Variants in CLHC1 observed in about 807,000 individuals in gnomAD.
CLHC1 encodes clathrin heavy chain linker domain-containing protein 1.
Under a neutral mutation model 69.5 loss-of-function variants are expected in CLHC1, and 72 were observed. That is an observed-to-expected ratio of 1.04 (90% CI 0.86 to 1.26). The LOEUF is 1.26. CLHC1 is among the 50% of genes most tolerant of loss of function. The pLI, the probability that CLHC1 is intolerant of heterozygous loss-of-function variation, is 0.00. For missense variants in CLHC1, 790 were observed against 679.3 expected (o/e 1.16, Z -1.81); for synonymous variants, 223 against 224.3 (o/e 0.99, Z 0.05).
intron 4 of CLHC1, 65 bp downstream of exon 4, chr2:55,217,746 C>T (rs1673717641): frequency 3.0e-6 from 3 of 1,005,272 alleles, no homozygotes; most frequent in Non-Finnish European, 4.2e-6. Context: ...GCTAGAGTTA[C>T]ACTGGCTAGT....
intron 2 of CLHC1, among the ~76,000 whole-genome samples, chr2:55,226,696 A>G (rs111510389): frequency 0.089 from 13,615 of 152,292 alleles, 884 homozygotes; most frequent in Non-Finnish European, 0.13. Context: ...CAGTGGCACG[A>G]TCTCAGCTCA....
chr2:55,197,442 G>T (rs182037506), intron 9 of CLHC1, among the ~76,000 whole-genome samples: 1 of 152,316 alleles, frequency 6.6e-6, no homozygotes, highest in African/African-American at 2.4e-5. Context: ...TCCCAGAGCT[G>T]GTGACCACAG....
At chr2:55,176,193 A>G (rs1363452874) in intron 12 of CLHC1, among the ~76,000 whole-genome samples, 1 of 152,126 alleles carries the variant, frequency 6.6e-6, no homozygotes, top group Non-Finnish European at 1.5e-5. Context: ...CTCCCTTATC[A>G]TTAACCTCTT....
rs1670985329 is a variant in CLHC1, at chr2:55,192,078, A to G, written c.1007-10334T>C. Reference sequence around the variant, plus strand: ...AACATTAAATGTAAATAATCTAAGCACCCCAACTAAAAGGCAAAGACTGTC... The same window carrying G: ...AACATTAAATGTAAATAATCTAAGCGCCCCAACTAAAAGGCAAAGACTGTC... On this transcript the variant is annotated intron_variant, in intron 9 of 12. Coordinates refer to ENST00000401408, the MANE Select transcript of CLHC1 (RefSeq NM_152385.4). Among the ~76,000 whole-genome samples, 2 of 151,958 alleles carry G rather than the reference A, an allele frequency of 1.3e-5. 1 individual carries two copies. The highest frequency in any genetic ancestry group is 4.8e-5 in the African/African-American group (2 of 41,354).
At chr2:55,213,738 A>G (rs1005442296) in intron 4 of CLHC1, among the ~76,000 whole-genome samples, 1 of 152,182 alleles carries the variant, frequency 6.6e-6, no homozygotes, top group Non-Finnish European at 1.5e-5. Flanking sequence ...ACACAGAAAA[A>G]TTATTTTTGA....
chr2:55,214,542 G>C (rs1339416337), intron 4 of CLHC1: 1 of 152,222 alleles, frequency 6.6e-6, no homozygotes, highest in Non-Finnish European at 1.5e-5. Flanking sequence ...GAGTTTGTCA[G>C]TAGATAACTG....
intron 9 of CLHC1, among the ~76,000 whole-genome samples, chr2:55,184,225 C>A (rs1670202119): frequency 6.6e-6 from 1 of 151,794 alleles, no homozygotes; most frequent in Non-Finnish European, 1.5e-5. Flanking sequence ...CCCACTTCAG[C>A]CTCCTGGGTA....
chr2:55,212,822 G>T lies in CLHC1; in HGVS notation c.366-16C>A, dbSNP rs779946660. 10 of 1,574,294 alleles carry T rather than the reference G, an allele frequency of 6.4e-6. No homozygotes were observed. Among genetic ancestry groups the T allele is most frequent in the Non-Finnish European group, 8.7e-6 (10 of 1,145,078 alleles). On this transcript the variant is annotated splice_polypyrimidine_tract_variant and intron_variant, in intron 4 of 12. Coordinates refer to ENST00000401408, the MANE Select transcript of CLHC1 (RefSeq NM_152385.4). ...AATCCTCATTCTGGAAAACAGAAAG[G>T]CTTTCTTATGTCTTTCAACTAACTT...
At chr2:55,199,048 G>A (rs568003249) in intron 9 of CLHC1, among the ~76,000 whole-genome samples, 3 of 152,056 alleles carry the variant, frequency 2.0e-5, no homozygotes, top group Non-Finnish European at 4.4e-5. Flanking sequence ...TATAATCCCA[G>A]CACTTTGGGA....
Position 55,175,532 on chromosome 2 carries a change from C to G in CLHC1, c.*258G>C, listed in dbSNP as rs1669306386. On this transcript the variant is annotated 3_prime_UTR_variant, in exon 13 of 13. Coordinates refer to ENST00000401408, the MANE Select transcript of CLHC1 (RefSeq NM_152385.4). ...TAGCTTATGTCCTTAGATAAAAATG[C>G]CCTACACTGTTTCACACAAAGTTAT... 2.3e-6 allele frequency: 1 copy of G among 432,456 alleles called. No homozygotes were observed. The highest frequency in any genetic ancestry group is 2.0e-5 in the African/African-American group (1 of 50,948). 26.8% of individuals were successfully genotyped at this position (432,456 alleles called of 1,614,324 possible).
intron 9 of CLHC1, among the ~76,000 whole-genome samples, chr2:55,189,691 T>C (rs1466791430): frequency 6.6e-6 from 1 of 152,170 alleles, no homozygotes; most frequent in Non-Finnish European, 1.5e-5. Flanking sequence ...GGTAAGAGCT[T>C]CAGAGATCTG....
At chr2:55,177,131 C>T (rs909611697) in intron 12 of CLHC1, among the ~76,000 whole-genome samples, 1 of 152,180 alleles carries the variant, frequency 6.6e-6, no homozygotes, top group Admixed American at 6.5e-5. Flanking sequence ...CCTCAGCCCC[C>T]CAAAGTGCTG....
chr2:55,208,829 T>A, intron 7 of CLHC1, 119 bp from the exon 8 acceptor site: 1 of 523,300 alleles, frequency 1.9e-6, no homozygotes, highest in East Asian at 3.6e-5. Context: ...AGCAGCAACC[T>A]CTTCCTAAAC....
chr2:55,226,902 G>C (rs1401091107), intron 2 of CLHC1, among the ~76,000 whole-genome samples: 2 of 152,150 alleles, frequency 1.3e-5, no homozygotes, highest in African/African-American at 2.4e-5. Context: ...CAAAGTGCTG[G>C]GATTACAGGC....
chr2:55,208,732 C>A, intron 7 of CLHC1, 22 bp from the exon 8 acceptor site: 1 of 1,491,682 alleles, frequency 6.7e-7, no homozygotes, highest in Middle Eastern at 1.7e-4. Flanking sequence ...GAAAGTACTA[C>A]TGGAAGATAT....
intron 8 of CLHC1, among the ~76,000 whole-genome samples, chr2:55,207,622 T>C (rs1435879200): frequency 1.3e-5 from 2 of 152,206 alleles, no homozygotes; most frequent in African/African-American, 2.4e-5. Flanking sequence ...ATAAGCGTCA[T>C]AGCCTATGAA....
intron 9 of CLHC1, among the ~76,000 whole-genome samples, chr2:55,199,142 A>G (rs1300971624): frequency 1.3e-5 from 2 of 151,768 alleles, no homozygotes; most frequent in Non-Finnish European, 2.9e-5. Context: ...ACTAAAATAC[A>G]AAAAACTAGC....
At chr2:55,230,195 G>T (rs1184078175) in intron 1 of CLHC1, among the ~76,000 whole-genome samples, 1 of 152,238 alleles carries the variant, frequency 6.6e-6, no homozygotes, top group Non-Finnish European at 1.5e-5. Context: ...AGATGATGGT[G>T]GCTTGAATCA....
rs1674487954 is a variant in CLHC1, at chr2:55,224,378, G to A, written c.-82-1885C>T. On this transcript the variant is annotated intron_variant, in intron 2 of 12. Coordinates refer to ENST00000401408, the MANE Select transcript of CLHC1 (RefSeq NM_152385.4). ...TGCTACTTGGGGCAGAAGCTCCCCCGACACCCAGTGGATGGTCCTCCTGGA... is the reference window on the plus strand; with the variant it reads ...TGCTACTTGGGGCAGAAGCTCCCCCAACACCCAGTGGATGGTCCTCCTGGA... 6.8e-6 allele frequency: 3 copies of A among 439,636 alleles called. No homozygotes were observed. The Admixed American group carries it at 7.7e-5, about 11-fold the overall frequency. 27.2% of individuals were successfully genotyped at this position (439,636 alleles called of 1,614,324 possible).
Sources: allele counts gnomAD v4.1 joint callset (sites outside exome capture counted in the v4.1 genomes callset), GRCh38; gene constraint gnomAD v4.1.1; transcripts MANE v1.5; gene names NCBI Gene and HGNC (gene_info 2026-07-23, HGNC 2026-07-21).